The following NFKB1 variants were observed in gnomAD, a reference collection of about 807,000 sequenced individuals.
The protein encoded by NFKB1 is nuclear factor kappa B subunit 1, also known as nuclear factor NF-kappa-B p105 subunit.
A neutral mutation model predicts 105.1 loss-of-function variants in NFKB1; 9 were observed. The observed-to-expected ratio is 0.09, with a 90% CI of 0.05 to 0.15. The LOEUF (loss-of-function observed/expected upper bound fraction) is 0.15, where lower values mean the gene tolerates loss of function less well. Ranked by LOEUF, NFKB1 falls within the 10% of genes least tolerant of loss-of-function variation. The pLI, the probability that NFKB1 is intolerant of heterozygous loss-of-function variation, is 1.00. For synonymous variants in NFKB1, 440 were observed against 442.2 expected (o/e 1.00, Z 0.06); for missense variants, 830 against 1,203.7 (o/e 0.69, Z 4.59).
chr4:102,562,214 G>A (rs139598788), intron 5 of NFKB1, among the ~76,000 whole-genome samples: 352 of 151,988 alleles, frequency 2.3e-3, no homozygotes, highest in Non-Finnish European at 3.9e-3. Flanking sequence ...CCCCTTGCCT[G>A]GTTATACTCC....
rs762050760 is a variant in NFKB1, at chr4:102,582,819, C to CTATACTATT, written c.836-44_836-43insACTATTTAT. 26 of 1,237,724 alleles carry CTATACTATT rather than the reference C, an allele frequency of 2.1e-5. No homozygotes were observed. In the Admixed American group the frequency reaches 4.5e-4, roughly 21 times the overall value. The allele number at this position is 1,237,724 out of a possible 1,614,324, so 76.7% of individuals were successfully genotyped here. On this transcript the variant is annotated intron_variant, in intron 9 of 23. Coordinates refer to ENST00000226574, the MANE Select transcript of NFKB1 (RefSeq NM_003998.4). ...TTATTTTTCAGCATGTTTATAAATA[C>CTATACTATT]TATTTACACTATGTGAAATTACACA...
intron 1 of NFKB1, among the ~76,000 whole-genome samples, chr4:102,515,374 T>C (rs949230429): frequency 6.6e-6 from 1 of 151,914 alleles, no homozygotes; most frequent in Non-Finnish European, 1.5e-5. Context: ...CCTCCCAAAG[T>C]GCTGGGATTA....
intron 6 of NFKB1, among the ~76,000 whole-genome samples, chr4:102,572,877 TATC>T (rs898528156): frequency 5.3e-5 from 8 of 152,248 alleles, no homozygotes; most frequent in African/African-American, 1.9e-4. Flanking sequence ...TTCTATCTGG[TATC>T]ATTTTCTTCT....
intron 23 of NFKB1, among the ~76,000 whole-genome samples, chr4:102,615,055 T>C (rs1728817510): frequency 6.6e-6 from 1 of 152,106 alleles, no homozygotes; most frequent in Non-Finnish European, 1.5e-5. Context: ...CTCAGTCCCC[T>C]TGTTTCCTTC....
At chr4:102,510,759 G>A in intron 1 of NFKB1, 1 of 188,562 alleles carries the variant, frequency 5.3e-6, no homozygotes, top group South Asian at 1.6e-4. Flanking sequence ...AAAATTGAAT[G>A]TAAAGTTTAA....
chr4:102,527,989 G>A (rs542940115), intron 2 of NFKB1, among the ~76,000 whole-genome samples: 16 of 152,172 alleles, frequency 1.1e-4, no homozygotes, highest in African/African-American at 3.6e-4. Context: ...TGAGGCAAGC[G>A]GTCTTGAAGT....
At position 102,617,162 on chromosome 4, in the gene NFKB1, G is replaced by A. The variant is rs975652982; in HGVS notation, c.*568G>A. On this transcript the variant is annotated 3_prime_UTR_variant, in exon 24 of 24. Transcript: ENST00000226574. ...CATGGTTACAATCATTGCTGAAAATGGTATTTTCCCCCTTTTCTGCATTTT... is the reference window on the plus strand; with the variant it reads ...CATGGTTACAATCATTGCTGAAAATAGTATTTTCCCCCTTTTCTGCATTTT... The A allele has an allele frequency of 1.4e-5, 2 of 146,246 alleles. No individual in the cohort carries two copies. Among genetic ancestry groups the A allele is most frequent in the African/African-American group, 5.0e-5 (2 of 39,762 alleles). The allele number at this position is 146,246 out of a possible 1,614,324, so 9.1% of individuals were successfully genotyped here.
At chr4:102,525,158 G>A (rs575146767) in intron 1 of NFKB1, among the ~76,000 whole-genome samples, 46 of 152,260 alleles carry the variant, frequency 3.0e-4, no homozygotes, top group African/African-American at 8.9e-4. Flanking sequence ...ACTGTAAATC[G>A]TTGAAGTTCA....
chr4:102,574,936 G>C (rs1724691248), intron 6 of NFKB1, among the ~76,000 whole-genome samples: 1 of 152,166 alleles, frequency 6.6e-6, no homozygotes, highest in African/African-American at 2.4e-5. Context: ...ACAGTAAAGT[G>C]TAAGATGCTA....
intron 5 of NFKB1, chr4:102,557,143 C>T (rs1050155886): frequency 3.3e-5 from 5 of 152,124 alleles, no homozygotes; most frequent in African/African-American, 7.2e-5. Context: ...GGAACTTGCA[C>T]GCAGTGACTT....
intron 5 of NFKB1, among the ~76,000 whole-genome samples, chr4:102,565,196 G>C (rs569331863): frequency 5.3e-5 from 8 of 151,974 alleles, no homozygotes; most frequent in Admixed American, 3.3e-4. Context: ...CTTTGAGGTG[G>C]TCAAGATCAA....
intron 15 of NFKB1, among the ~76,000 whole-genome samples, chr4:102,598,113 C>T (rs1411213095): frequency 6.6e-6 from 1 of 152,132 alleles, no homozygotes; most frequent in Non-Finnish European, 1.5e-5. Flanking sequence ...TCATTATTTC[C>T]CAGTTACTGG....
At chr4:102,546,108 G>T (rs1722121499) in intron 5 of NFKB1, among the ~76,000 whole-genome samples, 1 of 151,350 alleles carries the variant, frequency 6.6e-6, no homozygotes, top group African/African-American at 2.4e-5. Context: ...ATTTTTTAAA[G>T]AAAAAAAACA....
chr4:102,572,139 G>C (rs1009182412), intron 6 of NFKB1, among the ~76,000 whole-genome samples: 1 of 152,142 alleles, frequency 6.6e-6, no homozygotes, highest in East Asian at 1.9e-4. Context: ...ATACATCATG[G>C]AATACTATGC....
chr4:102,566,857 T>A (rs1723914836), intron 5 of NFKB1, 130 bp from the exon 6 acceptor site: 1 of 830,352 alleles, frequency 1.2e-6, no homozygotes, highest in Non-Finnish European at 1.9e-6. Context: ...AAAACAGGGC[T>A]GTAATCATGT....
At chr4:102,554,217 C>T (rs530428823) in intron 5 of NFKB1, among the ~76,000 whole-genome samples, 186 of 152,282 alleles carry the variant, frequency 1.2e-3, no homozygotes, top group African/African-American at 4.4e-3. Context: ...GACTAGAACT[C>T]TGGCCACCTA....
At chr4:102,555,187 G>T (rs1578756345) in intron 5 of NFKB1, among the ~76,000 whole-genome samples, 1 of 152,246 alleles carries the variant, frequency 6.6e-6, no homozygotes, top group East Asian at 1.9e-4. Context: ...CCTGCCAAAG[G>T]ACAGTAACCA....
intron 5 of NFKB1, among the ~76,000 whole-genome samples, chr4:102,564,003 A>G (rs528875094): frequency 2.9e-4 from 44 of 151,768 alleles, no homozygotes; most frequent in Non-Finnish European, 6.2e-4. Context: ...TATTTTTAGT[A>G]AAGACAGGGC....
chr4:102,589,856 A>G (rs1726027520), intron 11 of NFKB1, among the ~76,000 whole-genome samples: 1 of 152,178 alleles, frequency 6.6e-6, no homozygotes, highest in African/African-American at 2.4e-5. Context: ...AAAAGAAGAG[A>G]AAGAAAAGGA....
Sources: gnomAD v4.1 joint callset for allele counts (sites outside exome capture counted in the v4.1 genomes callset) on GRCh38, gnomAD v4.1.1 for gene constraint, MANE v1.5 for transcripts, NCBI Gene and HGNC (gene_info 2026-07-23, HGNC 2026-07-21) for gene names.